The following CTNNA3 variants were observed in gnomAD, a reference collection of about 807,000 sequenced individuals.
CTNNA3 encodes the protein catenin alpha-3.
In CTNNA3, 76 loss-of-function variants were observed where a neutral mutation model predicts 95.7. The ratio of observed to expected loss-of-function variants is 0.79; its 90% CI spans 0.66 to 0.96. The LOEUF (loss-of-function observed/expected upper bound fraction) is 0.96. CTNNA3 is among the 40% of genes least tolerant of loss of function. The pLI, the probability that CTNNA3 is intolerant of heterozygous loss-of-function variation, is 0.00. For missense variants in CTNNA3, 1,191 were observed against 1,089.8 expected, an observed-to-expected ratio of 1.09 and a Z score of -1.31; for synonymous variants, 431 against 374.4, an observed-to-expected ratio of 1.15 and a Z score of -1.74.
At chr10:66,055,744 A>G (rs190045615) in intron 15 of CTNNA3, among the ~76,000 whole-genome samples, 1 of 152,112 alleles carries the variant, frequency 6.6e-6, no homozygotes, top group Admixed American at 6.5e-5. Context: ...TAACATGGTG[A>G]AACCCCATCT....
At chr10:66,196,808 A>G (rs1401057902) in intron 13 of CTNNA3, among the ~76,000 whole-genome samples, 1 of 150,634 alleles carries the variant, frequency 6.6e-6, no homozygotes, top group African/African-American at 2.4e-5. Context: ...CCCCAGTAGC[A>G]GCCAAGACAC....
chr10:67,365,004 A>G (rs1843152949), intron 5 of CTNNA3, among the ~76,000 whole-genome samples: 1 of 152,222 alleles, frequency 6.6e-6, no homozygotes, highest in African/African-American at 2.4e-5. Context: ...CCAAAACAGC[A>G]TGGTACTGGT....
chr10:66,522,670 C>T (rs1841108383), intron 10 of CTNNA3, among the ~76,000 whole-genome samples: 1 of 151,804 alleles, frequency 6.6e-6, no homozygotes, highest in African/African-American at 2.4e-5. Flanking sequence ...TACCCAGTCT[C>T]AGTTCTGTCT....
chr10:66,335,832 A>G (rs1002025497), intron 12 of CTNNA3, among the ~76,000 whole-genome samples: 1 of 152,070 alleles, frequency 6.6e-6, no homozygotes, highest in Non-Finnish European at 1.5e-5. Context: ...TCAGAGGTGG[A>G]GTCTACAGAG....
chr10:67,098,693 T>A (rs1858157341), intron 7 of CTNNA3: 1 of 152,330 alleles, frequency 6.6e-6, no homozygotes, highest in Non-Finnish European at 1.5e-5. Context: ...ACAGACTTTG[T>A]GATACAGTTA....
intron 9 of CTNNA3, among the ~76,000 whole-genome samples, chr10:66,642,419 C>A (rs1845553274): frequency 2.0e-5 from 3 of 152,014 alleles, no homozygotes; most frequent in African/African-American, 7.2e-5. Context: ...AAATTACTCA[C>A]CCTACACACC....
At chr10:67,110,154 A>T (rs967926292) in intron 7 of CTNNA3, among the ~76,000 whole-genome samples, 2 of 152,218 alleles carry the variant, frequency 1.3e-5, no homozygotes, top group African/African-American at 2.4e-5. Flanking sequence ...TGTAAAACTG[A>T]ACTCATTAGA....
rs145576088 is a variant in CTNNA3, at chr10:65,945,254, T to C, written c.2400+21358A>G. ...TGGTTGGCTCAATTGTGAAAAATGG[T>C]TGGAATTTGTTATGACAATATATAA... On this transcript the variant is annotated intron_variant, in intron 17 of 17. Coordinates refer to ENST00000433211, the MANE Select transcript of CTNNA3 (RefSeq NM_013266.4). 4.4e-3 allele frequency among the ~76,000 whole-genome samples: 663 copies of C among 152,052 alleles called. 5 individuals are homozygous for C. Among genetic ancestry groups the C allele is most frequent in the African/African-American group, 0.015 (632 of 41,482 alleles).
intron 15 of CTNNA3, among the ~76,000 whole-genome samples, chr10:66,024,118 C>T (rs149286871): frequency 1.1e-3 from 84 of 75,096 alleles, no homozygotes; most frequent in Admixed American, 6.9e-3. Context: ...GAGACGGAGT[C>T]TCGCTCTGTC....
At chr10:66,294,043 A>C (rs1287406647) in intron 12 of CTNNA3, among the ~76,000 whole-genome samples, 1 of 152,196 alleles carries the variant, frequency 6.6e-6, no homozygotes, top group African/African-American at 2.4e-5. Flanking sequence ...CTAGGAGATT[A>C]GACTGGCCTC....
chr10:67,732,267 T>C (rs1332601642), intron 1 of CTNNA3, among the ~76,000 whole-genome samples: 1 of 152,138 alleles, frequency 6.6e-6, no homozygotes, highest in Admixed American at 6.6e-5. Flanking sequence ...ACAAGAGTAC[T>C]ATGGTATATA....
chr10:66,647,678 A>G (rs199523389), intron 9 of CTNNA3, among the ~76,000 whole-genome samples: 15 of 142,374 alleles, frequency 1.1e-4, no homozygotes, highest in Non-Finnish European at 1.8e-4. Flanking sequence ...GCCCAGCTAA[A>G]TTTTTTTTTT....
intron 7 of CTNNA3, among the ~76,000 whole-genome samples, chr10:67,067,396 C>A (rs1056633509): frequency 1.5e-4 from 23 of 152,150 alleles, no homozygotes; most frequent in African/African-American, 4.8e-4. Flanking sequence ...TGCTCGTATT[C>A]ACTTTTTCCC....
chr10:66,190,849 A>C (rs1483067317), intron 13 of CTNNA3, among the ~76,000 whole-genome samples: 2 of 152,078 alleles, frequency 1.3e-5, no homozygotes, highest in African/African-American at 2.4e-5. Flanking sequence ...GATGTTGCCT[A>C]CCTTTCTGAA....
chr10:65,930,211 A>C (rs538645330), intron 17 of CTNNA3, among the ~76,000 whole-genome samples: 22 of 150,812 alleles, frequency 1.5e-4, no homozygotes, highest in South Asian at 4.2e-4. Context: ...AAAAAAAAAA[A>C]AAAAAAAAAA....
At chr10:66,030,458 A>G (rs1192691872) in intron 15 of CTNNA3, among the ~76,000 whole-genome samples, 1 of 152,176 alleles carries the variant, frequency 6.6e-6, no homozygotes, top group Non-Finnish European at 1.5e-5. Flanking sequence ...GCAATGGGGA[A>G]AGGATTCCCT....
At chr10:67,595,412 A>T (rs974225315) in intron 3 of CTNNA3, among the ~76,000 whole-genome samples, 1 of 152,194 alleles carries the variant, frequency 6.6e-6, no homozygotes, top group African/African-American at 2.4e-5. Flanking sequence ...ATTCAGGAGC[A>T]CATTGTTTAA....
intron 3 of CTNNA3, among the ~76,000 whole-genome samples, chr10:67,602,702 A>G (rs1300809899): frequency 6.6e-6 from 1 of 152,238 alleles, no homozygotes; most frequent in Non-Finnish European, 1.5e-5. Context: ...ATACCATCTC[A>G]TGGCAATTAT....
At chr10:66,071,354 A>G (rs183397952) in intron 14 of CTNNA3, among the ~76,000 whole-genome samples, 365 of 27,782 alleles carry the variant, frequency 0.013, 2 homozygotes, top group African/African-American at 0.033. Context: ...TTGTGTAACT[A>G]TTGATCTTGG....
Sources: allele counts gnomAD v4.1 joint callset (sites outside exome capture counted in the v4.1 genomes callset), GRCh38; gene constraint gnomAD v4.1.1; transcripts MANE v1.5; gene names NCBI Gene and HGNC (gene_info 2026-07-23, HGNC 2026-07-21).